Variants in GARNL3 observed in about 807,000 individuals in gnomAD.
GARNL3 encodes GTPase-activating Rap/Ran-GAP domain-like protein 3.
In GARNL3, 63 loss-of-function variants were observed where a neutral mutation model predicts 125.0. The ratio of observed to expected loss-of-function variants is 0.50; its 90% CI spans 0.41 to 0.62. GARNL3 has a LOEUF of 0.62. GARNL3 is among the 20% of genes least tolerant of loss of function. The pLI, the probability that GARNL3 is intolerant of heterozygous loss-of-function variation, is 0.00. For missense variants in GARNL3, 994 were observed against 1,244.0 expected (o/e 0.80, Z 3.02); for synonymous variants, 439 against 457.5 (o/e 0.96, Z 0.52).
intron 5 of GARNL3, among the ~76,000 whole-genome samples, chr9:127,318,459 A>AT (rs1463741773): frequency 6.6e-6 from 1 of 152,196 alleles, no homozygotes; most frequent in Non-Finnish European, 1.5e-5. Context: ...TCCTTACTGC[A>AT]TTAGTTGCCA....
rs565862535 is a variant in GARNL3 at position 127,279,451 on chromosome 9, A to T, written c.145-11717A>T. 2.0e-5 allele frequency among the ~76,000 whole-genome samples: 3 copies of T among 151,552 alleles called. No homozygotes were observed. In the South Asian group the frequency reaches 6.3e-4, roughly 32 times the overall value. On this transcript the variant is annotated intron_variant, in intron 1 of 27. Transcript: ENST00000373387. Reference sequence around the variant, plus strand: ...TTTTCATTTTGTTTTGTTCCTTTCCATTCTATAATCAGCATCTAAAATGAT... The same window carrying T: ...TTTTCATTTTGTTTTGTTCCTTTCCTTTCTATAATCAGCATCTAAAATGAT...
At chr9:127,274,384 C>T (rs935384890) in intron 1 of GARNL3, among the ~76,000 whole-genome samples, 1 of 152,196 alleles carries the variant, frequency 6.6e-6, no homozygotes, top group African/African-American at 2.4e-5. Flanking sequence ...GACAACTTCT[C>T]CAAATTTTCC....
chr9:127,313,390 T>C (rs2065147775), intron 3 of GARNL3, 51 bp from the exon 4 acceptor site: 1 of 1,279,110 alleles, frequency 7.8e-7, no homozygotes, highest in Admixed American at 1.7e-5. Flanking sequence ...CTACCATCTG[T>C]GGCTGGCAGG....
chr9:127,310,204 C>T (rs748332820), intron 2 of GARNL3, among the ~76,000 whole-genome samples: 3 of 151,948 alleles, frequency 2.0e-5, no homozygotes, highest in African/African-American at 4.8e-5. Flanking sequence ...TAAACAGTTT[C>T]GTTAATGCTG....
chr9:127,321,660 T>A (rs769526352), intron 6 of GARNL3, among the ~76,000 whole-genome samples: 6 of 152,222 alleles, frequency 3.9e-5, no homozygotes, highest in Non-Finnish European at 8.8e-5. Context: ...CTTGTAGTTA[T>A]AACCAATTTA....
intron 4 of GARNL3, among the ~76,000 whole-genome samples, chr9:127,314,457 T>C (rs1452082868): frequency 2.0e-5 from 3 of 152,192 alleles, no homozygotes; most frequent in African/African-American, 2.4e-5. Flanking sequence ...CTTCAAAGCC[T>C]GTCCTTGGCA....
At chr9:127,268,481 G>T (rs1206750573) in intron 1 of GARNL3, among the ~76,000 whole-genome samples, 1 of 152,126 alleles carries the variant, frequency 6.6e-6, no homozygotes, top group African/African-American at 2.4e-5. Context: ...GCTTCTGATG[G>T]CACAGTTGCC....
intron 1 of GARNL3, among the ~76,000 whole-genome samples, chr9:127,234,145 G>A (rs1280684479): frequency 6.6e-6 from 1 of 152,156 alleles, no homozygotes; most frequent in African/African-American, 2.4e-5. Flanking sequence ...GGCTCTTAGA[G>A]CCAGCAGAAG....
chr9:127,357,769 C>A (rs1320164482), intron 21 of GARNL3, among the ~76,000 whole-genome samples: 1 of 129,414 alleles, frequency 7.7e-6, no homozygotes, highest in Non-Finnish European at 1.7e-5. Context: ...AAGACCCTGT[C>A]TGTATTTAAA....
At chr9:127,261,407 GTTTTTTTT>G (rs377048911), upstream of GARNL3, among the ~76,000 whole-genome samples, 1 of 117,140 alleles carries the variant, frequency 8.5e-6, no homozygotes, top group African/African-American at 3.6e-5. Context: ...TTTTTTGTTG[GTTTTTTTT>G]TTTTTTTTTT....
intron 10 of GARNL3, among the ~76,000 whole-genome samples, chr9:127,335,722 T>C (rs1333763568): frequency 1.3e-5 from 2 of 152,166 alleles, no homozygotes; most frequent in Non-Finnish European, 2.9e-5. Context: ...GGTGTTACCT[T>C]TTCTCTGTGC....
intron 2 of GARNL3, among the ~76,000 whole-genome samples, chr9:127,257,615 G>A (rs2063515570): frequency 6.6e-6 from 1 of 152,210 alleles, no homozygotes; most frequent in African/African-American, 2.4e-5. Context: ...TCTGTAGGAG[G>A]TGTGCTTTCC....
Position 127,329,391 on chromosome 9 carries a change from T to C in GARNL3, c.595-2883T>C, listed in dbSNP as rs1450637858. ...AACTTGGACACATGATCTCCCTACC[T>C]TGAAGATCCTACACCCTTGGGTGCA... On this transcript the variant is annotated intron_variant, in intron 7 of 27. Coordinates refer to ENST00000373387, the MANE Select transcript of GARNL3 (RefSeq NM_032293.5). Among the ~76,000 whole-genome samples, 5 of 152,222 alleles carry C rather than the reference T, an allele frequency of 3.3e-5. No homozygotes were observed. In the East Asian group the frequency reaches 9.7e-4, roughly 30 times the overall value.
intron 1 of GARNL3, among the ~76,000 whole-genome samples, chr9:127,284,521 C>T (rs2064190595): frequency 6.6e-6 from 1 of 151,862 alleles, no homozygotes; most frequent in African/African-American, 2.4e-5. Flanking sequence ...ATTCCTTTCC[C>T]CTGCTTTCCT....
intron 2 of GARNL3, among the ~76,000 whole-genome samples, chr9:127,244,032 G>A (rs1490331038): frequency 6.6e-6 from 1 of 152,198 alleles, no homozygotes; most frequent in East Asian, 1.9e-4. Context: ...GTGCTTTTGT[G>A]AAGCGAGTTC....
chr9:127,238,915 C>T (rs1036822829), intron 1 of GARNL3, among the ~76,000 whole-genome samples: 13 of 152,196 alleles, frequency 8.5e-5, no homozygotes, highest in African/African-American at 2.4e-5. Flanking sequence ...CCTAGACTCC[C>T]TCCCGCTCTA....
At chr9:127,313,768 T>A (rs145950215) in intron 4 of GARNL3, among the ~76,000 whole-genome samples, 92 of 152,184 alleles carry the variant, frequency 6.0e-4, no homozygotes, top group African/African-American at 2.2e-3. Context: ...AAAAAAAAAC[T>A]TATTTATTTT....
upstream of GARNL3, chr9:127,263,849 C>T: frequency 1.1e-5 from 14 of 1,327,496 alleles, no homozygotes; most frequent in Non-Finnish European, 1.2e-5. Context: ...TCTCATTTCT[C>T]TCATGCTGTC....
chr9:127,327,288 TAAAC>T (rs1564143235), intron 7 of GARNL3, among the ~76,000 whole-genome samples: 1 of 151,968 alleles, frequency 6.6e-6, no homozygotes, highest in Non-Finnish European at 1.5e-5. Context: ...GCTAAACAAG[TAAAC>T]AAACAAACAG....
Sources: gnomAD v4.1 joint callset for allele counts (sites outside exome capture counted in the v4.1 genomes callset) on GRCh38, gnomAD v4.1.1 for gene constraint, MANE v1.5 for transcripts, NCBI Gene and HGNC (gene_info 2026-07-23, HGNC 2026-07-21) for gene names.